GFI1B: variants seen among roughly 807,000 people sequenced by gnomAD.
GFI1B encodes zinc finger protein Gfi-1b.
A neutral mutation model predicts 35.3 loss-of-function variants in GFI1B; 20 were observed. That is an observed-to-expected ratio of 0.57 (90% CI 0.40 to 0.82). GFI1B has a LOEUF of 0.82. Among genes scored for constraint, GFI1B ranks in the 40% least tolerant of loss-of-function variants. The pLI is 0.00. For missense variants in GFI1B, 430 were observed against 446.3 expected (o/e 0.96, Z 0.33); for synonymous variants, 178 against 177.6 (o/e 1.00, Z -0.02).
chr9:132,973,451 A>T (rs1009405131), intron 2 of GFI1B, among the ~76,000 whole-genome samples: 1 of 152,140 alleles, frequency 6.6e-6, no homozygotes, highest in Non-Finnish European at 1.5e-5. Flanking sequence ...TTGTCCACAG[A>T]CAGAGGACCC....
intron 1 of GFI1B, among the ~76,000 whole-genome samples, chr9:132,986,027 G>A (rs757353852): frequency 6.6e-6 from 1 of 152,184 alleles, no homozygotes; most frequent in South Asian, 2.1e-4. Flanking sequence ...TCTAGGGGGC[G>A]ATGCATTCAT....
intron 6 of GFI1B, among the ~76,000 whole-genome samples, chr9:132,990,298 CTCAT>C (rs1192740575): frequency 1.3e-5 from 2 of 148,858 alleles, no homozygotes; most frequent in African/African-American, 5.1e-5. Flanking sequence ...CATTTGTTCA[CTCAT>C]TCATTTGCTC....
At chr9:132,954,422 A>T (rs527374326) in intron 1 of GFI1B, among the ~76,000 whole-genome samples, 22 of 152,010 alleles carry the variant, frequency 1.4e-4, no homozygotes, top group African/African-American at 5.3e-4. Flanking sequence ...TAAAAATACA[A>T]AAATTAGCCA....
chr9:132,983,190 C>CTTTT (rs66711864), intron 1 of GFI1B, among the ~76,000 whole-genome samples: 64 of 98,618 alleles, frequency 6.5e-4, no homozygotes, highest in Admixed American at 1.0e-3. Flanking sequence ...TTTCTCCCTC[C>CTTTT]TTTTTTTTTT....
chr9:132,974,601 C>CAAAAAAAAA (rs11243966), upstream of GFI1B, among the ~76,000 whole-genome samples: 13 of 79,838 alleles, frequency 1.6e-4, no homozygotes, highest in African/African-American at 5.6e-4. Flanking sequence ...GAATCCGTCT[C>CAAAAAAAAA]AAAAAAAAAA....
chr9:132,957,417 GT>G (rs961385854), intron 1 of GFI1B, among the ~76,000 whole-genome samples: 24 of 152,350 alleles, frequency 1.6e-4, no homozygotes, highest in African/African-American at 5.5e-4. Flanking sequence ...CATGTATTAA[GT>G]GAAGAGTATG....
At chr9:132,981,760 CTT>C (rs60174613) in intron 1 of GFI1B, among the ~76,000 whole-genome samples, 2 of 146,718 alleles carry the variant, frequency 1.4e-5, no homozygotes, top group African/African-American at 5.0e-5. Flanking sequence ...CCCCTTGAAT[CTT>C]TTTTTTTTTT....
At chr9:132,949,413 C>T (rs1030585968) in intron 1 of GFI1B, among the ~76,000 whole-genome samples, 7 of 151,992 alleles carry the variant, frequency 4.6e-5, no homozygotes, top group African/African-American at 1.7e-4. Flanking sequence ...TCACACTGAA[C>T]CAGCCTGATT....
At chr9:132,961,591 A>ATT (rs1171494542) in intron 1 of GFI1B, among the ~76,000 whole-genome samples, 79 of 135,194 alleles carry the variant, frequency 5.8e-4, no homozygotes, top group African/African-American at 1.2e-3. Flanking sequence ...AATACCTCTC[A>ATT]TTTTTTTTTT....
At chr9:132,964,976 A>T (rs577403480) in intron 1 of GFI1B, among the ~76,000 whole-genome samples, 1 of 151,540 alleles carries the variant, frequency 6.6e-6, no homozygotes, top group South Asian at 2.1e-4. Flanking sequence ...TTCTTTAAAA[A>T]CTTTTGCCTT....
At chr9:132,955,812 G>C (rs897097056) in intron 1 of GFI1B, among the ~76,000 whole-genome samples, 41 of 102,388 alleles carry the variant, frequency 4.0e-4, no homozygotes, top group African/African-American at 1.7e-3. Flanking sequence ...GTGTGCATGT[G>C]TGTGTGTGTG....
At chr9:132,959,008 G>A (rs551632523) in intron 1 of GFI1B, among the ~76,000 whole-genome samples, 2 of 152,282 alleles carry the variant, frequency 1.3e-5, no homozygotes, top group East Asian at 1.9e-4. Flanking sequence ...CAAACAAGAT[G>A]TGTGGTCCTG....
intron 1 of GFI1B, among the ~76,000 whole-genome samples, chr9:132,984,360 A>C (rs925078890): frequency 2.0e-5 from 3 of 152,064 alleles, no homozygotes; most frequent in Non-Finnish European, 4.4e-5. Flanking sequence ...CAAGAGGAGG[A>C]AGACGTGTCC....
chr9:132,991,809 A>G (rs1053802973), downstream of GFI1B: 1 of 152,452 alleles, frequency 6.6e-6, no homozygotes, highest in African/African-American at 2.4e-5. Context: ...GCTCATAGGC[A>G]AGTTGTGGAG....
chr9:132,971,513 G>A (rs1205914709), intron 1 of GFI1B, among the ~76,000 whole-genome samples: 2 of 152,208 alleles, frequency 1.3e-5, no homozygotes, highest in African/African-American at 4.8e-5. Flanking sequence ...TCATCTGCCT[G>A]TGTGGTTACT....
intron 2 of GFI1B, among the ~76,000 whole-genome samples, chr9:132,973,640 G>T (rs1190301505): frequency 2.0e-5 from 3 of 152,232 alleles, no homozygotes; most frequent in African/African-American, 7.2e-5. Context: ...TTGAGAGCTG[G>T]ATTGAGCTGT....
intron 1 of GFI1B, among the ~76,000 whole-genome samples, chr9:132,982,032 C>CCAAA (rs1268715352): frequency 2.0e-5 from 3 of 152,170 alleles, no homozygotes; most frequent in Non-Finnish European, 2.9e-5. Flanking sequence ...GGATTACAGG[C>CCAAA]GTGAGCCACC....
In GFI1B at chr9:132,972,370, C is replaced by T. The variant is rs185654201; in HGVS notation, c.-700-355C>T. On this transcript the variant is annotated intron_variant, in intron 1 of 10. Transcript: ENST00000339463. ...CTGGGAGGTGGATGTTGCAGTGAGC[C>T]GAGATTGCACCACTGCACTCCAGCC... Among the ~76,000 whole-genome samples, 7 of 152,170 alleles carry T rather than the reference C, an allele frequency of 4.6e-5. 1 individual carries two copies. Among genetic ancestry groups the T allele is most frequent in the Admixed American group, 2.6e-4 (4 of 15,278 alleles).
At chr9:132,979,319 A>T (rs970396869) in intron 1 of GFI1B, among the ~76,000 whole-genome samples, 1 of 144,280 alleles carries the variant, frequency 6.9e-6, no homozygotes, top group African/African-American at 2.6e-5. Context: ...ATTGCACTGA[A>T]ACCTCTGCCT....
Sources: gnomAD v4.1 joint callset for allele counts (sites outside exome capture counted in the v4.1 genomes callset) on GRCh38, gnomAD v4.1.1 for gene constraint, MANE v1.5 for transcripts, NCBI Gene and HGNC (gene_info 2026-07-23, HGNC 2026-07-21) for gene names.